The following FAF2 variants were observed in gnomAD, a reference collection of about 807,000 sequenced individuals.
FAF2 encodes the protein Fas associated factor family member 2.
In FAF2, 9 loss-of-function variants were observed where a neutral mutation model predicts 62.3. That is an observed-to-expected ratio of 0.14 (90% CI 0.09 to 0.25). The LOEUF is 0.25. Among genes scored for constraint, FAF2 ranks in the 10% least tolerant of loss-of-function variants. The probability of loss-of-function intolerance (pLI) is 1.00; values close to 1 mark genes in which losing one functional copy is unlikely to be tolerated. For synonymous variants in FAF2, 202 were observed against 198.0 expected (o/e 1.02, Z -0.17); for missense variants, 368 against 556.2 (o/e 0.66, Z 3.40).
intron 10 of FAF2, among the ~76,000 whole-genome samples, chr5:176,505,100 A>C (rs534884897): frequency 1.3e-5 from 2 of 152,322 alleles, no homozygotes; most frequent in African/African-American, 4.8e-5. Context: ...GGGGTATAAA[A>C]CCCAGAGAAT....
At chr5:176,474,960 A>G (rs972346414) in intron 1 of FAF2, among the ~76,000 whole-genome samples, 2 of 152,264 alleles carry the variant, frequency 1.3e-5, no homozygotes, top group Non-Finnish European at 2.9e-5. Context: ...TTTCTAGGGC[A>G]TAGTTTTAGT....
At chr5:176,481,922 T>G (rs1758788992) in intron 2 of FAF2, among the ~76,000 whole-genome samples, 1 of 152,172 alleles carries the variant, frequency 6.6e-6, no homozygotes. Context: ...TTTAACCTTT[T>G]GAAGAGCTCC....
Position 176,479,228 on chromosome 5 carries a change from C to G in FAF2, c.104C>G (p.Thr35Ser). The G allele has an allele frequency of 3.1e-6, 5 of 1,613,812 alleles. No homozygotes were observed. Among genetic ancestry groups the G allele is most frequent in the Non-Finnish European group, 3.4e-6 (4 of 1,179,800 alleles). ...GIESMDQCRHTLEQHNWNIEA... is the reference protein window; with the variant it reads ...GIESMDQCRHSLEQHNWNIEA... ...GAATCTATGGATCAGTGTCGCCATA[C>G]CTTGGAACAGCATAACTGGAACATA... is the stretch of plus-strand genomic sequence containing the variant. Residue 35 changes from threonine to serine, a missense_variant, in exon 2 of 11, where the codon ACC (threonine) becomes AGC (serine). Thr to Ser is a moderately conservative substitution (Grantham distance 58). Around this residue, in one of 2 missense-constraint regions of FAF2, gnomAD observed 331 missense variants for 441.9 expected, o/e 0.75. Transcript: ENST00000261942.
Position 176,486,340 on chromosome 5 carries a change from C to T in FAF2, c.133-15C>T, listed in dbSNP as rs760797584. 7.5e-6 allele frequency: 12 copies of T among 1,610,112 alleles called. No homozygotes were observed. The highest frequency in any genetic ancestry group is 4.5e-5 in the East Asian group (2 of 44,876). On this transcript the variant is annotated splice_polypyrimidine_tract_variant and intron_variant, in intron 2 of 10. Transcript: ENST00000261942. ...AGCATCGCTGAAACTCTTGCCACTC[C>T]GTTTTCCTTCTCAGGCTGCTGTACA... is the stretch of plus-strand genomic sequence containing the variant.
chr5:176,489,059 A>C (rs149330187), intron 4 of FAF2, 32 bp downstream of exon 4: 27,852 of 1,556,904 alleles, frequency 0.018, 306 homozygotes, highest in Non-Finnish European at 0.022. Flanking sequence ...TATTAGTAGA[A>C]TAGTAAGACT....
At chr5:176,468,097 G>A (rs1019329558) in intron 1 of FAF2, among the ~76,000 whole-genome samples, 15 of 152,148 alleles carry the variant, frequency 9.9e-5, no homozygotes, top group Non-Finnish European at 1.5e-5. Context: ...CCCTGGAAGC[G>A]GAGATTGTGG....
chr5:176,480,900 A>G (rs1581066698), intron 2 of FAF2, among the ~76,000 whole-genome samples: 1 of 152,194 alleles, frequency 6.6e-6, no homozygotes, highest in African/African-American at 2.4e-5. Flanking sequence ...TGGCATGTGT[A>G]TACCTATGTA....
chr5:176,502,205 C>A (rs1755603743), intron 10 of FAF2, among the ~76,000 whole-genome samples: 1 of 152,206 alleles, frequency 6.6e-6, no homozygotes, highest in Non-Finnish European at 1.5e-5. Context: ...TTTTAGCTTT[C>A]ATGTTCACTA....
chr5:176,491,068 A>G (rs896530728), intron 4 of FAF2, among the ~76,000 whole-genome samples: 1 of 152,192 alleles, frequency 6.6e-6, no homozygotes, highest in African/African-American at 2.4e-5. Flanking sequence ...TTGTTGGGAT[A>G]ATGAATTGAC....
chr5:176,488,861 A>G, intron 3 of FAF2, 90 bp from the exon 4 acceptor site: 1 of 1,018,294 alleles, frequency 9.8e-7, no homozygotes, highest in Non-Finnish European at 1.5e-6. Context: ...ACATGGAAGG[A>G]CCAAAAAGAG....
intron 1 of FAF2, among the ~76,000 whole-genome samples, chr5:176,475,344 GCTGGT>G (rs2113729810): frequency 6.6e-6 from 1 of 152,148 alleles, no homozygotes; most frequent in East Asian, 1.9e-4. Flanking sequence ...TATTGGCCAG[GCTGGT>G]CTTAACTCCT....
At chr5:176,471,077 C>T (rs1311301214) in intron 1 of FAF2, among the ~76,000 whole-genome samples, 1 of 152,122 alleles carries the variant, frequency 6.6e-6, no homozygotes, top group Non-Finnish European at 1.5e-5. Flanking sequence ...TCTCTTCCAC[C>T]CCCACATGTT....
At chr5:176,490,068 T>G (rs368069085) in intron 4 of FAF2, among the ~76,000 whole-genome samples, 49 of 151,612 alleles carry the variant, frequency 3.2e-4, no homozygotes, top group African/African-American at 1.2e-3. Context: ...TCCCAGCACT[T>G]TGGGAGGCTG....
At chr5:176,503,026 C>T (rs1025091899) in intron 10 of FAF2, among the ~76,000 whole-genome samples, 8 of 150,092 alleles carry the variant, frequency 5.3e-5, no homozygotes, top group Admixed American at 1.3e-4. Context: ...CCAGCCTGGG[C>T]GACAGAGCGA....
intron 1 of FAF2, among the ~76,000 whole-genome samples, chr5:176,461,219 G>T: frequency 6.7e-6 from 1 of 149,394 alleles, no homozygotes; most frequent in East Asian, 2.0e-4. Context: ...TCACTGTGTT[G>T]TCCAGGCTGG....
chr5:176,497,890 C>T (rs1240192775), intron 8 of FAF2, among the ~76,000 whole-genome samples: 1 of 152,156 alleles, frequency 6.6e-6, no homozygotes, highest in Non-Finnish European at 1.5e-5. Context: ...TGGCTCATAC[C>T]TGTAATCCGA....
In FAF2 at chr5:176,468,660, C is replaced by T. The variant is rs577998487; in HGVS notation, c.64-10528C>T. On this transcript the variant is annotated intron_variant, in intron 1 of 10. Transcript: ENST00000261942. ...TAAAAGTGAATTATGGAGCTGGGCA[C>T]ATTGGTTCACACCTGTAATCTCACC... Among the ~76,000 whole-genome samples the T allele has an allele frequency of 3.3e-3, 508 of 152,098 alleles. 4 individuals are homozygous for T. Among genetic ancestry groups the T allele is most frequent in the African/African-American group, 0.012 (493 of 41,518 alleles).
chr5:176,462,365 C>T (rs1758392748), intron 1 of FAF2, among the ~76,000 whole-genome samples: 2 of 152,018 alleles, frequency 1.3e-5, no homozygotes, highest in African/African-American at 4.8e-5. Flanking sequence ...GTGGCTCATG[C>T]CTGTAATCTC....
intron 4 of FAF2, among the ~76,000 whole-genome samples, chr5:176,490,543 G>A (rs1035125847): frequency 6.6e-6 from 1 of 152,054 alleles, no homozygotes; most frequent in Admixed American, 6.5e-5. Context: ...CCTCTAGGGA[G>A]CAGAGGCTGA....
Sources: gnomAD v4.1 joint callset for allele counts (sites outside exome capture counted in the v4.1 genomes callset) on GRCh38, gnomAD v4.1.1 for gene constraint, gnomAD v4.1.1 regional missense constraint, MANE v1.5 for transcripts, NCBI Gene and HGNC (gene_info 2026-07-23, HGNC 2026-07-21) for gene names.